The following SYT13 variants were observed in gnomAD, a reference collection of about 807,000 sequenced individuals.
The protein encoded by SYT13 is synaptotagmin-13.
A neutral mutation model predicts 38.6 loss-of-function variants in SYT13; 21 were observed. That is an observed-to-expected ratio of 0.54 (90% CI 0.39 to 0.78). The LOEUF is 0.78. Ranked by LOEUF, SYT13 falls within the 30% of genes least tolerant of loss-of-function variation. The pLI, the probability that SYT13 is intolerant of heterozygous loss-of-function variation, is 0.00. For synonymous variants in SYT13, 241 were observed against 237.6 expected (o/e 1.01, Z -0.13); for missense variants, 495 against 548.7 (o/e 0.90, Z 0.98).
Position 45,243,387 on chromosome 11 carries a change from A to G in SYT13, c.*665T>C, listed in dbSNP as rs1210015798. 2 of 152,216 alleles carry G rather than the reference A, an allele frequency of 1.3e-5. No homozygotes were observed. Among genetic ancestry groups the G allele is most frequent in the African/African-American group, 4.8e-5 (2 of 41,456 alleles). 9.4% of individuals were successfully genotyped at this position (152,216 alleles called of 1,614,324 possible). On this transcript the variant is annotated 3_prime_UTR_variant, in exon 6 of 6. Coordinates refer to ENST00000020926, the MANE Select transcript of SYT13 (RefSeq NM_020826.3). The stretch of plus-strand genomic sequence containing the variant: ...TGCACCATGGTTTTGGGACTCCATC[A>G]AGGACTGTGGCCAAAAACCTGTGTG...
chr11:45,251,028 G>A (rs1360985793), intron 4 of SYT13, among the ~76,000 whole-genome samples: 2 of 152,024 alleles, frequency 1.3e-5, no homozygotes, highest in East Asian at 3.9e-4. Context: ...TCTCTCATCT[G>A]GTTGATTTGG....
chr11:45,269,460 C>T, intron 1 of SYT13: 1 of 1,283,258 alleles, frequency 7.8e-7, no homozygotes, highest in Non-Finnish European at 1.0e-6. Context: ...AGTCACATCA[C>T]AAAGCCCTTT....
chr11:45,274,568 G>A (rs563590310), intron 1 of SYT13, among the ~76,000 whole-genome samples: 61 of 152,228 alleles, frequency 4.0e-4, no homozygotes, highest in African/African-American at 1.3e-3. Context: ...AAGATGCTCC[G>A]CGATATGCTC....
At chr11:45,278,482 G>T (rs576116948) in intron 1 of SYT13, among the ~76,000 whole-genome samples, 2 of 151,964 alleles carry the variant, frequency 1.3e-5, no homozygotes, top group African/African-American at 2.4e-5. Context: ...TTCTGCCTTT[G>T]CTTGGGCCCC....
In SYT13 at chr11:45,256,886, A is replaced by T. The variant is rs182508902; in HGVS notation, c.184-995T>A. ...GAGACATGTATGACTTGCAAAATCA[A>T]TTTCCCTTTGCACCTCCACCCCCAG... On this transcript the variant is annotated intron_variant, in intron 1 of 5. Transcript: ENST00000020926. Among the ~76,000 whole-genome samples, 271 of 152,226 alleles carry T rather than the reference A, an allele frequency of 1.8e-3. 1 individual carries two copies. Among genetic ancestry groups the T allele is most frequent in the African/African-American group, 5.9e-3 (243 of 41,528 alleles).
chr11:45,273,760 T>C (rs140187107), intron 1 of SYT13, among the ~76,000 whole-genome samples: 2,012 of 152,352 alleles, frequency 0.013, 18 homozygotes, highest in Middle Eastern at 0.048. Context: ...AAGTGGAATG[T>C]TCATGTTCCC....
intron 5 of SYT13, among the ~76,000 whole-genome samples, chr11:45,245,753 GA>G (rs1349538605): frequency 6.6e-6 from 1 of 152,196 alleles, no homozygotes; most frequent in Non-Finnish European, 1.5e-5. Context: ...GGGTGTTGCA[GA>G]AAAGCTTATT....
intron 4 of SYT13, among the ~76,000 whole-genome samples, chr11:45,251,374 C>T (rs1183184242): frequency 3.8e-5 from 4 of 105,420 alleles, no homozygotes; most frequent in African/African-American, 1.2e-4. Flanking sequence ...GGCAACAGAG[C>T]GAGACTCTGT....
chr11:45,271,773 C>G (rs1311041377), intron 1 of SYT13, among the ~76,000 whole-genome samples: 1 of 152,034 alleles, frequency 6.6e-6, no homozygotes, highest in Non-Finnish European at 1.5e-5. Flanking sequence ...TGAGGGTAAC[C>G]CAGGTTGGGG....
At chr11:45,245,942 A>G (rs1220643927) in intron 5 of SYT13, among the ~76,000 whole-genome samples, 1 of 152,146 alleles carries the variant, frequency 6.6e-6, no homozygotes, top group African/African-American at 2.4e-5. Context: ...CAGGAGGGGA[A>G]TAACCTGGCC....
At position 45,252,533 on chromosome 11, in the gene SYT13, G is replaced by T; in HGVS notation, c.734C>A (p.Thr245Asn). 3 of 1,614,076 alleles carry T rather than the reference G, an allele frequency of 1.9e-6. No individual in the cohort carries two copies. The highest frequency in any genetic ancestry group is 2.5e-6 in the Non-Finnish European group (3 of 1,180,040). The stretch of plus-strand genomic sequence containing the variant: ...GCTGTGACGGGAGAAGCGGTCGCAG[G>T]TCCTCAAGGTCAGCGTCAGGGTGGC... ...PTATLTLTLR[T>N]CDRFSRHSVA... The change falls in exon 4 of 6, where the codon ACC becomes AAC. Residue 245 changes from threonine (T) to asparagine (N), a missense_variant. By Grantham distance (65) the Thr-to-Asn change is moderately conservative. Coordinates refer to ENST00000020926, the MANE Select transcript of SYT13 (RefSeq NM_020826.3). This position sits in a 1 kb window ranked among gnomAD's most constrained non-coding sequence, Gnocchi z 4.3.
In SYT13 at chr11:45,286,091, C is replaced by T. The variant is rs767569664; in HGVS notation, c.117G>A (p.Leu39=). Residue 39 remains leucine (L), a synonymous_variant, in exon 1 of 6, where the codon CTG becomes CTA. Coordinates refer to ENST00000020926, the MANE Select transcript of SYT13 (RefSeq NM_020826.3). The part of the protein sequence containing the change: ...LCRHMHPKKG[L]LPRDQDPDLE... ...GGTCGGGGTCCTGGTCCCGCGGCAGCAGCCCCTTCTTGGGGTGCATGTGCC... is the reference window on the plus strand; with the variant it reads ...GGTCGGGGTCCTGGTCCCGCGGCAGTAGCCCCTTCTTGGGGTGCATGTGCC... 1.2e-6 allele frequency: 2 copies of T among 1,607,328 alleles called. No individual in the cohort carries two copies. The highest frequency in any genetic ancestry group is 1.7e-6 in the Non-Finnish European group (2 of 1,178,516).
At position 45,252,421 on chromosome 11, in the gene SYT13, C is replaced by G. The variant is rs750485722; in HGVS notation, c.846G>C (p.Lys282Asn). Reference protein sequence around the residue: ...AQWGELKTSAKEPSAGAGEVL... With the variant: ...AQWGELKTSANEPSAGAGEVL... ...CTTTCTAACCCAGGGGTTACCCTAC[C>G]TTCGCTGAAGTCTTCAGCTCGCCCC... is the stretch of plus-strand genomic sequence containing the variant. The change falls in exon 4 of 6, where the codon AAG becomes AAC. Residue 282 changes from lysine to asparagine, a missense_variant and splice_region_variant. Lys to Asn is a moderately conservative substitution (Grantham distance 94). Transcript: ENST00000020926. The surrounding 1 kb of genome is among the most constrained non-coding windows in gnomAD (Gnocchi z 4.3). 1 of 1,571,892 alleles carries G rather than the reference C, an allele frequency of 6.4e-7. No homozygotes were observed. The highest frequency in any genetic ancestry group is 8.6e-7 in the Non-Finnish European group (1 of 1,156,234).
In SYT13 at chr11:45,281,701, T is replaced by C. The variant is rs372652094; in HGVS notation, c.183+4324A>G. 5.3e-5 allele frequency among the ~76,000 whole-genome samples: 8 copies of C among 151,086 alleles called. No homozygotes were observed. In the South Asian group the frequency reaches 8.4e-4, roughly 16 times the overall value. ...AAAAAAAAATTGGTGTGGGAACTCC[T>C]GCTGAGGGCCAAGCAATTTCAATAA... On this transcript the variant is annotated intron_variant, in intron 1 of 5. Coordinates refer to ENST00000020926, the MANE Select transcript of SYT13 (RefSeq NM_020826.3).
rs769617717 is a variant in SYT13 at position 45,244,010 on chromosome 11, C to T, written c.*42G>A. The T allele has an allele frequency of 5.2e-5, 79 of 1,533,174 alleles. No individual in the cohort carries two copies. Among genetic ancestry groups the T allele is most frequent in the Non-Finnish European group, 6.0e-5 (69 of 1,141,902 alleles). 95.0% of individuals were successfully genotyped at this position (1,533,174 alleles called of 1,614,324 possible). On this transcript the variant is annotated 3_prime_UTR_variant, in exon 6 of 6. Coordinates refer to ENST00000020926, the MANE Select transcript of SYT13 (RefSeq NM_020826.3). ...GGCACAGAAAGGAGGTTGCAGAGGA[C>T]GGGTCAGGGCTGTCCAAGAAGGGAG... is the stretch of plus-strand genomic sequence containing the variant.
At chr11:45,285,288 C>T (rs1011373634) in intron 1 of SYT13, among the ~76,000 whole-genome samples, 1 of 152,204 alleles carries the variant, frequency 6.6e-6, no homozygotes, top group Non-Finnish European at 1.5e-5. Flanking sequence ...ATTTCCTGCA[C>T]GAAGGGGCTC....
chr11:45,244,638 C>T (rs1328186433), intron 5 of SYT13, among the ~76,000 whole-genome samples: 2 of 152,144 alleles, frequency 1.3e-5, no homozygotes, highest in African/African-American at 4.8e-5. Context: ...ATCCAGGATG[C>T]TTTCATTTCC....
chr11:45,260,225 C>G (rs1416489498), intron 1 of SYT13, among the ~76,000 whole-genome samples: 1 of 152,194 alleles, frequency 6.6e-6, no homozygotes, highest in Non-Finnish European at 1.5e-5. Flanking sequence ...TGACTTACAG[C>G]CTTTGCCCAG....
chr11:45,267,620 C>T (rs914399236), intron 1 of SYT13, among the ~76,000 whole-genome samples: 15 of 152,120 alleles, frequency 9.9e-5, no homozygotes, highest in African/African-American at 3.6e-4. Flanking sequence ...GGCCTCCTGT[C>T]TCAGAGTCCG....
Sources: allele counts gnomAD v4.1 joint callset (sites outside exome capture counted in the v4.1 genomes callset), GRCh38; gene constraint gnomAD v4.1.1; non-coding constraint Gnocchi (gnomAD v3.1); transcripts MANE v1.5; gene names NCBI Gene and HGNC (gene_info 2026-07-23, HGNC 2026-07-21).